TTN: variants seen among roughly 807,000 people sequenced by gnomAD.
TTN encodes the protein connectin.
A neutral mutation model predicts 3,223.0 loss-of-function variants in TTN; 1,525 were observed. The observed-to-expected ratio is 0.47, with a 90% confidence interval of 0.45 to 0.49. The LOEUF (loss-of-function observed/expected upper bound fraction) is 0.49, where lower values mean the gene tolerates loss of function less well. Among genes scored for constraint, TTN ranks in the 20% least tolerant of loss-of-function variants. TTN has a pLI of 0.00. For synonymous variants in TTN, 14,094 were observed against 15,161.0 expected (o/e 0.93, Z 5.17); for missense variants, 40,786 against 43,424.0 (o/e 0.94, Z 5.40).
intron 119 of TTN, among the ~76,000 whole-genome samples, chr2:178,693,397 G>T (rs1179433603): frequency 6.6e-6 from 1 of 152,072 alleles, no homozygotes; most frequent in Non-Finnish European, 1.5e-5. Context: ...ACTCTCTGAA[G>T]CAGGGAATGG....
intron 218 of TTN, among the ~76,000 whole-genome samples, chr2:178,643,279 A>G (rs2061477867): frequency 1.3e-5 from 2 of 151,998 alleles, no homozygotes; most frequent in Admixed American, 6.6e-5. Flanking sequence ...ATGGTTTTTT[A>G]TGTGATAAAG....
chr2:178,782,724 G>T (rs2092888732), intron 18 of TTN, 82 bp downstream of exon 18: 1 of 1,608,608 alleles, frequency 6.2e-7, no homozygotes, highest in Non-Finnish European at 8.5e-7. Flanking sequence ...ATTTCAAGGT[G>T]CACAGAAACC....
intron 139 of TTN, 63 bp downstream of exon 139, chr2:178,680,191 G>T: frequency 6.3e-7 from 1 of 1,594,988 alleles, no homozygotes; most frequent in South Asian, 1.1e-5. Flanking sequence ...TTCACACACA[G>T]AACTGAAGAG....
At position 178,732,997 on chromosome 2, in the gene TTN, A is replaced by T. The variant is rs768837104; in HGVS notation, c.16179T>A (p.Asp5393Glu). The T allele has an allele frequency of 7.4e-6, 12 of 1,613,380 alleles. No individual in the cohort carries two copies. Among genetic ancestry groups the T allele is most frequent in the African/African-American group, 1.3e-5 (1 of 74,878 alleles). Residue 5393 changes from aspartate (D) to glutamate (E), a missense_variant, in exon 55 of 363, where the codon GAT becomes GAA. By Grantham distance (45) the Asp-to-Glu change is conservative. Coordinates refer to ENST00000589042, the MANE Select transcript of TTN (RefSeq NM_001267550.2). ...TGTCAGAAGCAGCTATTTCTTTGCCATCCTTAAACCAGGACACCCTCATGG... is the reference window on the plus strand; with the variant it reads ...TGTCAGAAGCAGCTATTTCTTTGCCTTCCTTAAACCAGGACACCCTCATGG... ...SLPMRVSWFK[D>E]GKEIAASDRY...
In TTN at chr2:178,751,231, C is replaced by T. The variant is rs145004106; in HGVS notation, c.11311+1893G>A. On this transcript the variant is annotated intron_variant, in intron 47 of 362. Transcript: ENST00000589042. Reference sequence around the variant, plus strand: ...AAGTTCTTGAGCTTATTTCAGAAGACGTATCTAAAAGAGATAATTTCTTTT... The same window carrying T: ...AAGTTCTTGAGCTTATTTCAGAAGATGTATCTAAAAGAGATAATTTCTTTT... 4.9e-5 allele frequency: 79 copies of T among 1,609,474 alleles called. No homozygotes were observed. The highest frequency in any genetic ancestry group is 3.2e-4 in the African/African-American group (24 of 74,794).
In TTN at chr2:178,576,407, C is replaced by G; in HGVS notation, c.69725G>C (p.Gly23242Ala). The stretch of plus-strand genomic sequence containing the variant: ...AGTGACATGCGGATTTGAAGGTGGT[C>G]CTGGAGGATCTGAGAAAGAAACAAA... ...VLMKDAAYPPGPPSNPHVTDT... is the reference protein window; with the variant it reads ...VLMKDAAYPPAPPSNPHVTDT... The change falls in exon 326 of 363, where the codon GGA becomes GCA. Residue 23242 changes from glycine to alanine, a missense_variant. By Grantham distance (60) the Gly-to-Ala change is moderately conservative. Coordinates refer to ENST00000589042, the MANE Select transcript of TTN (RefSeq NM_001267550.2). The surrounding 1 kb of genome is among the most constrained non-coding windows in gnomAD (Gnocchi z 4.3). The G allele has an allele frequency of 1.9e-6, 3 of 1,573,272 alleles. No homozygotes were observed. Among genetic ancestry groups the G allele is most frequent in the Non-Finnish European group, 2.6e-6 (3 of 1,167,030 alleles).
rs752846394 is a variant in TTN, at chr2:178,530,405, C to T, written c.106210G>A (p.Val35404Ile). 2.9e-5 allele frequency: 47 copies of T among 1,613,812 alleles called. No individual in the cohort carries two copies. The highest frequency in any genetic ancestry group is 3.8e-5 in the Non-Finnish European group (45 of 1,179,868). ...KSDQKTTEST[V>I]TRKTEPKAPE... The stretch of plus-strand genomic sequence containing the variant: ...GCTTTTGGTTCAGTTTTTCTGGTTA[C>T]TGTTGACTCAGTGGTTTTCTGATCT... The change falls in exon 358 of 363, where the codon GTA becomes ATA. Residue 35404 changes from valine (V) to isoleucine (I), a missense_variant. By Grantham distance (29) the Val-to-Ile change is conservative. Transcript: ENST00000589042.
chr2:178,609,355 T>C lies in TTN; in HGVS notation c.51955A>G (p.Thr17319Ala). The C allele has an allele frequency of 1.2e-6, 2 of 1,612,238 alleles. No homozygotes were observed. The highest frequency in any genetic ancestry group is 1.7e-6 in the Non-Finnish European group (2 of 1,178,948). Residue 17319 changes from threonine to alanine, a missense_variant, in exon 273 of 363, where the codon ACA (threonine) becomes GCA (alanine). Thr to Ala is a moderately conservative substitution (Grantham distance 58). Coordinates refer to ENST00000589042, the MANE Select transcript of TTN (RefSeq NM_001267550.2). ...CTGTTGTCAATACTCAAACGCTGTG[T>C]CAGAGGCAGGACAAATGGTTCTTCT... ...QEEEPFVLPL[T>A]QRLSIDNSKK...
chr2:178,550,065 C>T lies in TTN; in HGVS notation c.91773G>A (p.Arg30591=). The T allele has an allele frequency of 6.2e-7, 1 of 1,613,756 alleles. No homozygotes were observed. The highest frequency in any genetic ancestry group is 8.5e-7 in the Non-Finnish European group (1 of 1,179,748). ...CCACTGTGTATACACCACGATGGTC[C>T]CGAGTAGCATCTCTAACAAATAGGC... ...STSLFVRDAT[R]DHRGVYTVEA... is the part of the protein sequence containing the mutation. Residue 30591 remains arginine (R), a synonymous_variant, in exon 337 of 363, where the codon CGG becomes CGA. Coordinates refer to ENST00000589042, the MANE Select transcript of TTN (RefSeq NM_001267550.2).
rs1171182062 is a variant in TTN at position 178,547,102 on chromosome 2, C to G, written c.94423G>C (p.Glu31475Gln). Residue 31475 changes from glutamate to glutamine, a missense_variant, in exon 340 of 363, where the codon GAA becomes CAA. By Grantham distance (29) the Glu-to-Gln change is conservative. Coordinates refer to ENST00000589042, the MANE Select transcript of TTN (RefSeq NM_001267550.2). ...ECNYKVTGLV[E>Q]GLEYQFRTYA... The stretch of plus-strand genomic sequence containing the variant: ...GTTCTGAACTGATATTCCAGTCCTT[C>G]TACTAAACCAGTTACTTTGTAGTTG... The G allele has an allele frequency of 6.2e-7, 1 of 1,613,690 alleles. No homozygotes were observed. Among genetic ancestry groups the G allele is most frequent in the Non-Finnish European group, 8.5e-7 (1 of 1,179,776 alleles).
rs1414339843 is a variant in TTN at position 178,652,250 on chromosome 2, A to T, written c.39211+14T>A. ...AACAAACAATATCAAACACAGCACC[A>T]TGAGGGTGTCTACCTTTTGTGGGTG... On this transcript the variant is annotated intron_variant, in intron 203 of 362. Transcript: ENST00000589042. 1 of 1,613,340 alleles carries T rather than the reference A, an allele frequency of 6.2e-7. No homozygotes were observed. Among genetic ancestry groups the T allele is most frequent in the Admixed American group, 1.7e-5 (1 of 59,974 alleles).
chr2:178,685,019 G>A, intron 129 of TTN, 30 bp from the exon 130 acceptor site: 1 of 1,538,724 alleles, frequency 6.5e-7, no homozygotes, highest in East Asian at 2.3e-5. Context: ...AAGAATATGA[G>A]TTTGCCTTAC....
At chr2:178,775,324 C>A (rs2092099304) in intron 28 of TTN, 32 bp downstream of exon 28, 1 of 1,613,130 alleles carries the variant, frequency 6.2e-7, no homozygotes, top group Non-Finnish European at 8.5e-7. Flanking sequence ...AATACAAAGA[C>A]AGGTCCATCA....
In TTN at chr2:178,609,456, T is replaced by G; in HGVS notation, c.51854A>C (p.Glu17285Ala). The G allele has an allele frequency of 1.2e-6, 2 of 1,612,488 alleles. No individual in the cohort carries two copies. Among genetic ancestry groups the G allele is most frequent in the Middle Eastern group, 1.7e-4 (1 of 6,048 alleles). ...PYPTITWIKD[E>A]NVIVPEEIKK... ...AATTTCCTCTGGTACAATAACATTT[T>G]CATCCTTTATCCATGTAATAGTTGG... The change falls in exon 273 of 363, where the codon GAA (glutamate) becomes GCA (alanine). Residue 17285 changes from glutamate to alanine, a missense_variant. By Grantham distance (107) the Glu-to-Ala change is moderately radical (BLOSUM62 -1). Coordinates refer to ENST00000589042, the MANE Select transcript of TTN (RefSeq NM_001267550.2).
chr2:178,695,811 G>T, intron 114 of TTN, 54 bp downstream of exon 114: 3 of 1,321,108 alleles, frequency 2.3e-6, no homozygotes, highest in South Asian at 2.3e-5. Flanking sequence ...AAAATTTAAT[G>T]AACTGAGCAA....
Position 178,534,789 on chromosome 2 carries a change from T to C in TTN, c.101826A>G (p.Pro33942=). ...SHNIGHFDIR[P]ENIIYQTRRS... ...TTCTGGTTTGGTAAATGATATTTTC[T>C]GGTCTAATGTCAAAGTGTCCAATAT... Residue 33942 remains proline (P), a synonymous_variant, in exon 358 of 363, where the codon CCA becomes CCG. Coordinates refer to ENST00000589042, the MANE Select transcript of TTN (RefSeq NM_001267550.2). The C allele has an allele frequency of 6.2e-7, 1 of 1,612,718 alleles. No homozygotes were observed. The highest frequency in any genetic ancestry group is 1.7e-4 in the Middle Eastern group (1 of 6,060).
chr2:178,615,551 A>G, intron 258 of TTN, 67 bp from the exon 259 acceptor site: 1 of 1,607,888 alleles, frequency 6.2e-7, no homozygotes. Flanking sequence ...CACATTGCCA[A>G]CCCCTGCCTT....
In TTN at chr2:178,576,822, C is replaced by CCTTTT. The variant is rs1247353236; in HGVS notation, c.69421_69422insAAAAG (p.Gly23141GlufsTer38). The CCTTTT allele has an allele frequency of 2.5e-6, 4 of 1,606,598 alleles. No homozygotes were observed. The highest frequency in any genetic ancestry group is 3.4e-6 in the Non-Finnish European group (4 of 1,178,054). On this transcript the variant is annotated frameshift_variant, in exon 325 of 363. Transcript: ENST00000589042. LOFTEE classifies it high-confidence loss of function. This position sits in a 1 kb window ranked among gnomAD's most constrained non-coding sequence, Gnocchi z 4.3. ...TGATACCTCTGGTTTTTCAGGAGGG[C>CCTTTT]CAGGGGGACCTGAAAAGGAAGCAAA...
Position 178,562,530 on chromosome 2 carries a change from C to T in TTN, c.83602G>A (p.Gly27868Arg). ...VKVSEPPLPP[G>R]RVTLVDVTRN... ...GTCACATCAACAAGAGTTACTCTTC[C>T]AGGTGGGAGGGGTGGTTCAGACACT... The change falls in exon 326 of 363, where the codon GGA becomes AGA. Residue 27868 changes from glycine to arginine, a missense_variant. Transcript: ENST00000589042. 6.2e-7 allele frequency: 1 copy of T among 1,610,460 alleles called. No homozygotes were observed. Among genetic ancestry groups the T allele is most frequent in the Non-Finnish European group, 8.5e-7 (1 of 1,178,716 alleles).
Sources: allele counts gnomAD v4.1 joint callset (sites outside exome capture counted in the v4.1 genomes callset), GRCh38; gene constraint gnomAD v4.1.1; non-coding constraint Gnocchi (gnomAD v3.1); transcripts MANE v1.5; gene names NCBI Gene and HGNC (gene_info 2026-07-23, HGNC 2026-07-21).